The following LSAMP variants were observed in gnomAD, a reference collection of about 807,000 sequenced individuals.
LSAMP encodes limbic system associated membrane protein.
A neutral mutation model predicts 38.6 loss-of-function variants in LSAMP; 7 were observed. The ratio of observed to expected loss-of-function variants is 0.18; its 90% CI spans 0.10 to 0.34. The LOEUF (loss-of-function observed/expected upper bound fraction) is 0.34. LSAMP is among the 10% of genes least tolerant of loss of function. The pLI, the probability that LSAMP is intolerant of heterozygous loss-of-function variation, is 1.00. For synonymous variants in LSAMP, 154 were observed against 166.8 expected (o/e 0.92, Z 0.59); for missense variants, 313 against 420.0 (o/e 0.75, Z 2.23).
At chr3:116,385,390 T>C (rs936973165) in intron 1 of LSAMP, among the ~76,000 whole-genome samples, 2 of 152,184 alleles carry the variant, frequency 1.3e-5, no homozygotes, top group African/African-American at 4.8e-5. Context: ...ACTTCAGCCA[T>C]GTAAGGATGC....
rs1709368061 is a variant in LSAMP, at chr3:116,141,432, A to G, written c.156-54876T>C. 2.0e-5 allele frequency among the ~76,000 whole-genome samples: 3 copies of G among 151,900 alleles called. No homozygotes were observed. The South Asian group carries it at 6.2e-4, about 32-fold the overall frequency. ...ATTATACCTAGAAAAAAAAAGTAGC[A>G]CATTCTCAGACTTTTGTTTCACCTT... On this transcript the variant is annotated intron_variant, in intron 1 of 6. Coordinates refer to ENST00000490035, the MANE Select transcript of LSAMP (RefSeq NM_002338.5).
chr3:116,314,326 T>A (rs1576119398), intron 1 of LSAMP, among the ~76,000 whole-genome samples: 1 of 152,200 alleles, frequency 6.6e-6, no homozygotes, highest in Admixed American at 6.5e-5. Flanking sequence ...GTTATGAAGG[T>A]GAATCCATGT....
chr3:116,133,208 A>G (rs1163544140), intron 1 of LSAMP, among the ~76,000 whole-genome samples: 1 of 152,152 alleles, frequency 6.6e-6, no homozygotes, highest in Admixed American at 6.5e-5. Context: ...TTGAGCAGTT[A>G]GCTTAAACTT....
intron 1 of LSAMP, among the ~76,000 whole-genome samples, chr3:116,219,885 T>A (rs2046261595): frequency 6.6e-6 from 1 of 152,060 alleles, no homozygotes; most frequent in African/African-American, 2.4e-5. Flanking sequence ...CAAATCAAAA[T>A]CACAATGAGC....
At chr3:116,432,258 T>C (rs1048184495) in intron 1 of LSAMP, among the ~76,000 whole-genome samples, 4 of 151,978 alleles carry the variant, frequency 2.6e-5, no homozygotes, top group South Asian at 2.1e-4. Flanking sequence ...TTCATGTCCA[T>C]ATTTTGTGTA....
At chr3:115,965,783 A>C (rs978791612) in intron 3 of LSAMP, among the ~76,000 whole-genome samples, 2 of 152,118 alleles carry the variant, frequency 1.3e-5, no homozygotes, top group Non-Finnish European at 2.9e-5. Flanking sequence ...TTATTAATCA[A>C]AGGCATACAA....
intron 3 of LSAMP, among the ~76,000 whole-genome samples, chr3:115,912,602 T>G (rs1217021782): frequency 6.6e-6 from 1 of 152,190 alleles, no homozygotes; most frequent in African/African-American, 2.4e-5. Context: ...GCCACATGAG[T>G]GTAGAAGTCT....
intron 1 of LSAMP, among the ~76,000 whole-genome samples, chr3:116,414,552 T>C (rs2049023628): frequency 6.6e-6 from 1 of 152,112 alleles, no homozygotes; most frequent in African/African-American, 2.4e-5. Flanking sequence ...CAACGTTTGG[T>C]TCTTCTCATC....
chr3:115,871,838 C>G (rs1016544253), intron 3 of LSAMP, among the ~76,000 whole-genome samples: 1 of 152,086 alleles, frequency 6.6e-6, no homozygotes, highest in African/African-American at 2.4e-5. Context: ...AAGTATAGCA[C>G]ACACCAGCAA....
chr3:116,139,783 A>T (rs1709331315), intron 1 of LSAMP, among the ~76,000 whole-genome samples: 1 of 152,132 alleles, frequency 6.6e-6, no homozygotes, highest in East Asian at 1.9e-4. Flanking sequence ...GCTAGAGACA[A>T]CAAACTGCTC....
At chr3:116,418,591 G>A (rs1576209316) in intron 1 of LSAMP, among the ~76,000 whole-genome samples, 1 of 151,850 alleles carries the variant, frequency 6.6e-6, no homozygotes, top group East Asian at 1.9e-4. Flanking sequence ...ATGATCCCCT[G>A]CTGCAAGCCA....
At chr3:116,192,597 G>A (rs1710778809) in intron 1 of LSAMP, among the ~76,000 whole-genome samples, 1 of 152,130 alleles carries the variant, frequency 6.6e-6, no homozygotes, top group Admixed American at 6.5e-5. Context: ...AGATGTGAAG[G>A]CATATGAAAA....
intron 1 of LSAMP, among the ~76,000 whole-genome samples, chr3:116,132,854 C>G (rs1576383753): frequency 6.6e-6 from 1 of 152,214 alleles, no homozygotes; most frequent in East Asian, 1.9e-4. Flanking sequence ...CTTGAATTAC[C>G]CTGTGATGTT....
At chr3:116,181,187 T>G (rs996407328) in intron 1 of LSAMP, among the ~76,000 whole-genome samples, 1 of 152,076 alleles carries the variant, frequency 6.6e-6, no homozygotes, top group Non-Finnish European at 1.5e-5. Flanking sequence ...AATCATTTTT[T>G]CAAATGACAA....
At chr3:116,442,700 G>A in intron 1 of LSAMP, among the ~76,000 whole-genome samples, 1 of 152,176 alleles carries the variant, frequency 6.6e-6, no homozygotes, top group East Asian at 1.9e-4. Flanking sequence ...AAAAGAAATG[G>A]TGTTTCATAG....
At chr3:116,056,136 T>C (rs1941487119) in intron 2 of LSAMP, among the ~76,000 whole-genome samples, 1 of 152,188 alleles carries the variant, frequency 6.6e-6, no homozygotes, top group Non-Finnish European at 1.5e-5. Context: ...ATGTATTATT[T>C]ATTTATTTAT....
At chr3:116,084,919 G>A (rs549438099) in intron 2 of LSAMP, among the ~76,000 whole-genome samples, 149 of 151,674 alleles carry the variant, frequency 9.8e-4, no homozygotes, top group African/African-American at 3.2e-3. Context: ...TCCTCCTTCT[G>A]CCATTGAATT....
intron 1 of LSAMP, among the ~76,000 whole-genome samples, chr3:116,395,146 T>G (rs2048752847): frequency 6.6e-6 from 1 of 152,344 alleles, no homozygotes; most frequent in African/African-American, 2.4e-5. Context: ...GACCTGTACA[T>G]TCATTTCTTT....
Position 116,316,784 on chromosome 3 carries a change from A to AG in LSAMP, c.155+128092_155+128093insC, listed in dbSNP as rs1435349399. Among the ~76,000 whole-genome samples the AG allele has an allele frequency of 4.0e-5, 6 of 151,578 alleles. 1 individual carries two copies. The East Asian group carries it at 7.8e-4, about 20-fold the overall frequency. On this transcript the variant is annotated intron_variant, in intron 1 of 6. Transcript: ENST00000490035. The stretch of plus-strand genomic sequence containing the variant: ...AGACTCCATCTCAAAAAAAGAAAAA[A>AG]AAAAAAAAAAAGAGAAAGAAAGAAA...
Sources: gnomAD v4.1 joint callset for allele counts (sites outside exome capture counted in the v4.1 genomes callset) on GRCh38, gnomAD v4.1.1 for gene constraint, MANE v1.5 for transcripts, NCBI Gene and HGNC (gene_info 2026-07-23, HGNC 2026-07-21) for gene names.